NRXN1: variants seen among roughly 807,000 people sequenced by gnomAD.
The protein encoded by NRXN1 is neurexin-1.
NRXN1 carries 39 observed loss-of-function variants against 150.9 expected under a neutral mutation model. That is an observed-to-expected ratio of 0.26 (90% CI 0.20 to 0.34). The LOEUF (loss-of-function observed/expected upper bound fraction) is 0.34. NRXN1 is among the 10% of genes least tolerant of loss of function. The pLI is 1.00. For missense variants in NRXN1, 1,815 were observed against 1,949.9 expected, an observed-to-expected ratio of 0.93 and a Z score of 1.30; for synonymous variants, 924 against 757.0, an observed-to-expected ratio of 1.22 and a Z score of -3.62.
chr2:49,960,114 G>A (rs1364146424), intron 21 of NRXN1, among the ~76,000 whole-genome samples: 1 of 152,140 alleles, frequency 6.6e-6, no homozygotes, highest in Non-Finnish European at 1.5e-5. Context: ...AAACTCAAGG[G>A]AGACAGACCT....
chr2:50,650,968 T>G (rs951021509), intron 5 of NRXN1, among the ~76,000 whole-genome samples: 4 of 152,072 alleles, frequency 2.6e-5, no homozygotes, highest in African/African-American at 9.7e-5. Context: ...CTACACAATA[T>G]AAACCTGTTT....
chr2:51,008,980 GT>G (rs1667446370), intron 2 of NRXN1, among the ~76,000 whole-genome samples: 1 of 151,762 alleles, frequency 6.6e-6, no homozygotes, highest in African/African-American at 2.4e-5. Flanking sequence ...TGAAAACAAA[GT>G]ATAACTAATT....
At chr2:50,163,603 T>A (rs375244903) in intron 18 of NRXN1, among the ~76,000 whole-genome samples, 48 of 152,300 alleles carry the variant, frequency 3.2e-4, no homozygotes, top group African/African-American at 1.0e-3. Flanking sequence ...CAGTTAAGGA[T>A]TGACAACTGC....
intron 17 of NRXN1, among the ~76,000 whole-genome samples, chr2:50,461,103 A>G (rs1292388379): frequency 2.6e-5 from 4 of 152,104 alleles, no homozygotes; most frequent in African/African-American, 9.6e-5. Flanking sequence ...CAAACAACAA[A>G]AGAAGCTGAG....
At chr2:50,875,022 T>C (rs1427245916) in intron 5 of NRXN1, among the ~76,000 whole-genome samples, 1 of 151,838 alleles carries the variant, frequency 6.6e-6, no homozygotes, top group Non-Finnish European at 1.5e-5. Context: ...TTAGTGAATA[T>C]AAAATATTTT....
chr2:50,389,993 A>C (rs2081579824), intron 17 of NRXN1, among the ~76,000 whole-genome samples: 1 of 152,198 alleles, frequency 6.6e-6, no homozygotes, highest in African/African-American at 2.4e-5. Flanking sequence ...AATTATTTAT[A>C]CCAAGTTAGG....
intron 15 of NRXN1, among the ~76,000 whole-genome samples, chr2:50,477,492 T>C (rs951356821): frequency 3.9e-5 from 6 of 152,108 alleles, no homozygotes; most frequent in Non-Finnish European, 7.4e-5. Flanking sequence ...AGCAGACAAA[T>C]GACGCGGTAG....
intron 5 of NRXN1, among the ~76,000 whole-genome samples, chr2:50,854,423 C>T (rs1674963556): frequency 6.6e-6 from 1 of 152,024 alleles, no homozygotes; most frequent in African/African-American, 2.4e-5. Context: ...AAGCTACCAT[C>T]AGAAGCTGAG....
chr2:50,254,798 T>C (rs2067530928), intron 17 of NRXN1, among the ~76,000 whole-genome samples: 1 of 152,072 alleles, frequency 6.6e-6, no homozygotes, highest in Non-Finnish European at 1.5e-5. Flanking sequence ...GATTTATCTA[T>C]CCACATTTAT....
At chr2:50,975,705 C>T (rs935622969) in intron 2 of NRXN1, among the ~76,000 whole-genome samples, 1 of 152,080 alleles carries the variant, frequency 6.6e-6, no homozygotes, top group Non-Finnish European at 1.5e-5. Flanking sequence ...TTGGAACTGA[C>T]CCTTCCGGAT....
At chr2:50,672,484 G>C (rs1471573817) in intron 5 of NRXN1, among the ~76,000 whole-genome samples, 1 of 151,966 alleles carries the variant, frequency 6.6e-6, no homozygotes, top group Non-Finnish European at 1.5e-5. Context: ...GCAATTTTAA[G>C]TTGTGGTTAA....
At chr2:50,593,614 T>G (rs189794045) in intron 8 of NRXN1, among the ~76,000 whole-genome samples, 18 of 152,342 alleles carry the variant, frequency 1.2e-4, no homozygotes, top group Admixed American at 3.3e-4. Flanking sequence ...TTAGTGTTCT[T>G]ACAGAGTAGA....
chr2:50,302,875 A>C (rs1257288213), intron 17 of NRXN1, among the ~76,000 whole-genome samples: 1 of 152,094 alleles, frequency 6.6e-6, no homozygotes, highest in Non-Finnish European at 1.5e-5. Context: ...ATTTTGAAAA[A>C]TAAATCTGCA....
intron 5 of NRXN1, among the ~76,000 whole-genome samples, chr2:50,657,429 T>C (rs755568247): frequency 6.6e-6 from 1 of 152,028 alleles, no homozygotes; most frequent in South Asian, 2.1e-4. Flanking sequence ...TAATCACTCA[T>C]GTTTAAATAT....
intron 17 of NRXN1, among the ~76,000 whole-genome samples, chr2:50,400,555 T>G (rs902937338): frequency 2.0e-5 from 3 of 151,074 alleles, no homozygotes; most frequent in African/African-American, 7.3e-5. Context: ...AAGATAAGAG[T>G]TTCATTAGCA....
At chr2:50,222,434 G>A (rs1326789308) in intron 18 of NRXN1, among the ~76,000 whole-genome samples, 1 of 151,982 alleles carries the variant, frequency 6.6e-6, no homozygotes, top group Non-Finnish European at 1.5e-5. Flanking sequence ...TCCAGTTTGT[G>A]ATATCTTCAT....
intron 5 of NRXN1, chr2:50,918,367 C>T (rs1685511986): frequency 1.0e-5 from 3 of 286,862 alleles, no homozygotes; most frequent in Non-Finnish European, 1.9e-5. Context: ...ATACAATGGT[C>T]AAAGAGAAAG....
At chr2:50,724,707 A>G (rs1426687499) in intron 5 of NRXN1, among the ~76,000 whole-genome samples, 1 of 152,208 alleles carries the variant, frequency 6.6e-6, no homozygotes, top group Admixed American at 6.5e-5. Flanking sequence ...GAAGCAAACA[A>G]TACACATGAA....
chr2:50,333,605 C>G (rs528392406), intron 17 of NRXN1, among the ~76,000 whole-genome samples: 7 of 152,066 alleles, frequency 4.6e-5, no homozygotes, highest in African/African-American at 1.4e-4. Flanking sequence ...TTTCCTGTGT[C>G]TGTTCTAGGA....
Sources: allele counts gnomAD v4.1 joint callset (sites outside exome capture counted in the v4.1 genomes callset), GRCh38; gene constraint gnomAD v4.1.1; transcripts MANE v1.5; gene names NCBI Gene and HGNC (gene_info 2026-07-23, HGNC 2026-07-21).